XKR4: variants seen among roughly 807,000 people sequenced by gnomAD.
XKR4 encodes XK related 4, also known as XK-related protein 4.
XKR4 carries 12 observed loss-of-function variants against 53.9 expected under a neutral mutation model. That is an observed-to-expected ratio of 0.22 (90% CI 0.14 to 0.36). The LOEUF is 0.36. XKR4 is among the 10% of genes least tolerant of loss of function. XKR4 has a pLI of 1.00. For synonymous variants in XKR4, 354 were observed against 362.4 expected, an observed-to-expected ratio of 0.98 and a Z score of 0.26; for missense variants, 799 against 859.5, an observed-to-expected ratio of 0.93 and a Z score of 0.88.
chr8:55,518,803 C>A (rs1239186135), intron 2 of XKR4, among the ~76,000 whole-genome samples: 2 of 152,046 alleles, frequency 1.3e-5, no homozygotes, highest in African/African-American at 4.8e-5. Context: ...GGACTGCATC[C>A]CAAGCAATGC....
intron 1 of XKR4, among the ~76,000 whole-genome samples, chr8:55,337,368 C>G (rs1277789397): frequency 6.6e-6 from 1 of 152,274 alleles, no homozygotes; most frequent in African/African-American, 2.4e-5. Flanking sequence ...TCTTTATCCT[C>G]CTTTCCACCT....
chr8:55,123,809 T>C (rs575690073), intron 1 of XKR4, among the ~76,000 whole-genome samples: 1 of 152,354 alleles, frequency 6.6e-6, no homozygotes, highest in Admixed American at 6.5e-5. Context: ...GCTGATCCCA[T>C]TCTTGTTTTC....
chr8:55,383,761 G>A (rs1804268550), intron 2 of XKR4, among the ~76,000 whole-genome samples: 1 of 152,040 alleles, frequency 6.6e-6, no homozygotes, highest in Admixed American at 6.6e-5. Context: ...AGATTGGGTA[G>A]ATCCTTTATT....
intron 1 of XKR4, among the ~76,000 whole-genome samples, chr8:55,226,400 G>T (rs185131550): frequency 6.6e-6 from 1 of 152,122 alleles, no homozygotes; most frequent in African/African-American, 2.4e-5. Context: ...GAAGTTAAAG[G>T]CATGGTAAAA....
At chr8:55,240,235 T>C (rs1020202546) in intron 1 of XKR4, among the ~76,000 whole-genome samples, 2 of 152,036 alleles carry the variant, frequency 1.3e-5, no homozygotes, top group Admixed American at 6.6e-5. Flanking sequence ...ATGCCCCAAA[T>C]AGTAAAAGGA....
In XKR4 at chr8:55,524,032, C is replaced by T. The variant is rs1238381352; in HGVS notation, c.1758C>T (p.Arg586=). ...RPTAPSTPSS[R]PPRIEESVIK... is the part of the protein sequence containing the mutation. ...CTGCCCCATCCACCCCATCATCTCGCCCACCACGGATTGAAGAATCAGTCA... is the reference window on the plus strand; with the variant it reads ...CTGCCCCATCCACCCCATCATCTCGTCCACCACGGATTGAAGAATCAGTCA... The change falls in exon 3 of 3, where the codon CGC becomes CGT. Residue 586 remains arginine, a synonymous_variant. Transcript: ENST00000327381. The T allele has an allele frequency of 1.2e-6, 2 of 1,614,184 alleles. No individual in the cohort carries two copies. Among genetic ancestry groups the T allele is most frequent in the Non-Finnish European group, 1.7e-6 (2 of 1,180,040 alleles).
At chr8:55,519,753 G>T (rs1374751721) in intron 2 of XKR4, among the ~76,000 whole-genome samples, 1 of 152,132 alleles carries the variant, frequency 6.6e-6, no homozygotes, top group Non-Finnish European at 1.5e-5. Flanking sequence ...ATAACTTTAT[G>T]TGGTTATGTA....
chr8:55,509,396 A>C (rs1336912391), intron 2 of XKR4, among the ~76,000 whole-genome samples: 1 of 152,088 alleles, frequency 6.6e-6, no homozygotes, highest in Non-Finnish European at 1.5e-5. Context: ...CCTTTGTTTC[A>C]CTGGTTCTGT....
At chr8:55,390,884 A>T (rs190635172) in intron 2 of XKR4, among the ~76,000 whole-genome samples, 129 of 152,344 alleles carry the variant, frequency 8.5e-4, no homozygotes, top group African/African-American at 2.9e-3. Context: ...AGCCATTCTC[A>T]TCTCCTTCTT....
chr8:55,335,363 T>C (rs1803445012), intron 1 of XKR4, among the ~76,000 whole-genome samples: 1 of 152,158 alleles, frequency 6.6e-6, no homozygotes, highest in African/African-American at 2.4e-5. Flanking sequence ...AAAAAAAATC[T>C]TTATGTGAAT....
At chr8:55,113,216 A>G (rs1270011413) in intron 1 of XKR4, among the ~76,000 whole-genome samples, 1 of 152,222 alleles carries the variant, frequency 6.6e-6, no homozygotes, top group Non-Finnish European at 1.5e-5. Context: ...GTTTTATCTA[A>G]CAAGCATGTC....
chr8:55,452,212 T>A, intron 2 of XKR4: 1 of 682,036 alleles, frequency 1.5e-6, no homozygotes, highest in Non-Finnish European at 2.6e-6. Context: ...AAGGCCATTT[T>A]CAGCAGCTGG....
At chr8:55,465,050 G>C (rs1240593309) in intron 2 of XKR4, among the ~76,000 whole-genome samples, 1 of 152,060 alleles carries the variant, frequency 6.6e-6, no homozygotes, top group South Asian at 2.1e-4. Context: ...ACATGAAAAT[G>C]GCCATACTGC....
Position 55,316,681 on chromosome 8 carries a change from G to A in XKR4, c.807-40997G>A, listed in dbSNP as rs114682135. Among the ~76,000 whole-genome samples the A allele has an allele frequency of 3.7e-3, 561 of 152,134 alleles. 3 individuals carry two copies. The highest frequency in any genetic ancestry group is 5.9e-3 in the African/African-American group (246 of 41,502). ...TCTGGCCTGCCCCACCACATCCCTA[G>A]ATTGCAGCAAACCTATCTGAAAACC... is the stretch of plus-strand genomic sequence containing the variant. On this transcript the variant is annotated intron_variant, in intron 1 of 2. Transcript: ENST00000327381.
chr8:55,501,687 T>C (rs370105883), intron 2 of XKR4, among the ~76,000 whole-genome samples: 4 of 25,198 alleles, frequency 1.6e-4, no homozygotes, highest in African/African-American at 2.8e-4. Flanking sequence ...AATACATACA[T>C]ATATATATAT....
intron 1 of XKR4, among the ~76,000 whole-genome samples, chr8:55,203,289 C>A (rs1817600609): frequency 6.6e-6 from 1 of 152,260 alleles, no homozygotes; most frequent in Non-Finnish European, 1.5e-5. Flanking sequence ...TCCCCAACTG[C>A]ATCTTCACAC....
intron 2 of XKR4, among the ~76,000 whole-genome samples, chr8:55,375,875 A>G (rs1804144000): frequency 6.6e-6 from 1 of 151,944 alleles, no homozygotes; most frequent in South Asian, 2.1e-4. Context: ...CCCTGATGCG[A>G]TCCCCCACAC....
At chr8:55,244,573 G>A (rs573930311) in intron 1 of XKR4, among the ~76,000 whole-genome samples, 25 of 152,116 alleles carry the variant, frequency 1.6e-4, no homozygotes, top group Non-Finnish European at 3.2e-4. Context: ...ATTCCTTTGC[G>A]TATATACCTA....
At chr8:55,502,754 C>T (rs1431876624) in intron 2 of XKR4, among the ~76,000 whole-genome samples, 2 of 151,772 alleles carry the variant, frequency 1.3e-5, no homozygotes, top group African/African-American at 2.4e-5. Context: ...TCTTTTGTTG[C>T]CTATACTTTT....
Sources: allele counts gnomAD v4.1 joint callset (sites outside exome capture counted in the v4.1 genomes callset), GRCh38; gene constraint gnomAD v4.1.1; transcripts MANE v1.5; gene names NCBI Gene and HGNC (gene_info 2026-07-23, HGNC 2026-07-21).